Variants in SYTL1 observed in about 807,000 individuals in gnomAD.
SYTL1 encodes the protein synaptotagmin like 1.
Under a neutral mutation model 74.6 loss-of-function variants are expected in SYTL1, and 53 were observed. The observed-to-expected ratio is 0.71, with a 90% CI of 0.57 to 0.89. The LOEUF (loss-of-function observed/expected upper bound fraction) is 0.89, where lower values mean the gene tolerates loss of function less well. SYTL1 is among the 40% of genes least tolerant of loss of function. The pLI is 0.00. For missense variants in SYTL1, 728 were observed against 768.7 expected, an observed-to-expected ratio of 0.95 and a Z score of 0.63; for synonymous variants, 329 against 324.9, an observed-to-expected ratio of 1.01 and a Z score of -0.14.
chr1:27,350,260 C>A lies in SYTL1; in HGVS notation c.908+128C>A, dbSNP rs958750963. 1.3e-6 allele frequency: 2 copies of A among 1,484,914 alleles called. No individual in the cohort carries two copies. The highest frequency in any genetic ancestry group is 1.9e-6 in the Non-Finnish European group (2 of 1,067,706). 92.0% of individuals were successfully genotyped at this position (1,484,914 alleles called of 1,614,324 possible). A position where few individuals can be genotyped will look rare whatever the true frequency, so the allele number is the denominator to read the frequency against. On this transcript the variant is annotated intron_variant, in intron 9 of 14. Coordinates refer to ENST00000616558, the MANE Select transcript of SYTL1 (RefSeq NM_001193308.2). The surrounding 1 kb of genome is among the most constrained non-coding windows in gnomAD (Gnocchi z 6.3). ...CGTTATTGGGAGGCGTGCGATTAAGCGAGACAATCCCTGTAAAGCGCTTAG... is the reference window on the plus strand; with the variant it reads ...CGTTATTGGGAGGCGTGCGATTAAGAGAGACAATCCCTGTAAAGCGCTTAG...
intron 2 of SYTL1, among the ~76,000 whole-genome samples, chr1:27,346,723 T>C (rs989923752): frequency 3.3e-5 from 5 of 151,826 alleles, no homozygotes; most frequent in Admixed American, 2.6e-4. Context: ...ATCATGCCAC[T>C]GCACTCCAGC....
At chr1:27,344,489 C>T (rs2014909235) in intron 1 of SYTL1, among the ~76,000 whole-genome samples, 1 of 151,552 alleles carries the variant, frequency 6.6e-6, no homozygotes, top group Non-Finnish European at 1.5e-5. Context: ...GATCGGCCCA[C>T]CTTGGCCTCC....
chr1:27,344,318 G>C (rs1004256948), intron 1 of SYTL1, among the ~76,000 whole-genome samples: 1 of 152,044 alleles, frequency 6.6e-6, no homozygotes. Flanking sequence ...GGTCAGGCTG[G>C]TCTCAAACTC....
rs776359340 is a variant in SYTL1 at position 27,347,837 on chromosome 1, G to T, written c.370G>T (p.Ala124Ser). 1.2e-6 allele frequency: 2 copies of T among 1,614,036 alleles called. No individual in the cohort carries two copies. Among genetic ancestry groups the T allele is most frequent in the Admixed American group, 3.3e-5 (2 of 60,026 alleles). Residue 124 changes from alanine to serine, a missense_variant, in exon 4 of 15, where the codon GCT (alanine) becomes TCT (serine). By Grantham distance (99) the Ala-to-Ser change is moderately conservative (BLOSUM62 1). Coordinates refer to ENST00000616558, the MANE Select transcript of SYTL1 (RefSeq NM_001193308.2). The surrounding 1 kb of genome is among the most constrained non-coding windows in gnomAD (Gnocchi z 4.9). ...CCAGGCTCCAGGCCACGACAGGGAG[G>T]CTGAGGCTGCTGTGAAAGAGAAGGA... ...GDQAPGHDRE[A>S]EAAVKEKEEG...
Position 27,349,989 on chromosome 1 carries a change from G to A in SYTL1, c.765G>A (p.Met255Ile). The A allele has an allele frequency of 3.8e-6, 6 of 1,571,898 alleles. No individual in the cohort carries two copies. Among genetic ancestry groups the A allele is most frequent in the Non-Finnish European group, 5.1e-6 (6 of 1,168,014 alleles). Reference sequence around the variant, plus strand: ...GTCCGCAGCTGAGCGGCAGCCAGATGAGCCTGTCAGGCGACGCGGAGGCGG... The same window carrying A: ...GTCCGCAGCTGAGCGGCAGCCAGATAAGCCTGTCAGGCGACGCGGAGGCGG... Reference protein sequence around the residue: ...LNSSTLSGSQMSLSGDAEAVQ... With the variant: ...LNSSTLSGSQISLSGDAEAVQ... The change falls in exon 9 of 15, where the codon ATG becomes ATA. Residue 255 changes from methionine (M) to isoleucine (I), a missense_variant. By Grantham distance (10) the Met-to-Ile change is conservative. Coordinates refer to ENST00000616558, the MANE Select transcript of SYTL1 (RefSeq NM_001193308.2).
In SYTL1 at chr1:27,347,477, G is replaced by A; in HGVS notation, c.248G>A (p.Trp83Ter). The change falls in exon 3 of 15, where the codon TGG (tryptophan) becomes TAG (stop). Residue 83 changes from tryptophan to a stop codon, truncating the protein, a stop_gained. Transcript: ENST00000616558. LOFTEE classifies it high-confidence loss of function. This position sits in a 1 kb window ranked among gnomAD's most constrained non-coding sequence, Gnocchi z 4.9. ...CAGCTGAAGATCCTGACAGGGGACTGGTTCCAGGAAGCACGCTCCCAGCGG... is the reference window on the plus strand; with the variant it reads ...CAGCTGAAGATCCTGACAGGGGACTAGTTCCAGGAAGCACGCTCCCAGCGG... Reference protein sequence around the residue: ...PGQLKILTGDWFQEARSQRHH... With the variant: ...PGQLKILTGD The A allele has an allele frequency of 5.0e-6, 8 of 1,614,144 alleles. No homozygotes were observed. Among genetic ancestry groups the A allele is most frequent in the Non-Finnish European group, 5.9e-6 (7 of 1,180,052 alleles).
In SYTL1 at chr1:27,351,160, C is replaced by T. The variant is rs2015253705; in HGVS notation, c.1165-98C>T. 7 of 1,429,822 alleles carry T rather than the reference C, an allele frequency of 4.9e-6. No homozygotes were observed. The highest frequency in any genetic ancestry group is 6.6e-6 in the Non-Finnish European group (7 of 1,053,720). 88.6% of individuals were successfully genotyped at this position (1,429,822 alleles called of 1,614,324 possible). ...TAGGTTCTGCCCCTGCAGGCCCCGC[C>T]GTCTCTTCTAGCCGCACCCCATCCG... is the stretch of plus-strand genomic sequence containing the variant. On this transcript the variant is annotated intron_variant, in intron 11 of 14. Transcript: ENST00000616558. The surrounding 1 kb of genome is among the most constrained non-coding windows in gnomAD (Gnocchi z 5.0).
Position 27,349,678 on chromosome 1 carries a change from G to A in SYTL1, c.660G>A (p.Glu220=). 1 of 1,611,042 alleles carries A rather than the reference G, an allele frequency of 6.2e-7. No homozygotes were observed. Among genetic ancestry groups the A allele is most frequent in the South Asian group, 1.1e-5 (1 of 90,770 alleles). ...CCAAGGCCGCGTCCCAGATCCTGGA[G>A]AATGGGGAGGAGGCCCCGGGGCCCG... is the stretch of plus-strand genomic sequence containing the variant. ...AQTKAASQIL[E]NGEEAPGPDP... is the part of the protein sequence containing the mutation. The change falls in exon 8 of 15, where the codon GAG becomes GAA. Residue 220 remains glutamate (E), a synonymous_variant. Transcript: ENST00000616558.
In SYTL1 at chr1:27,345,546, G is replaced by A. The variant is rs1180090168; in HGVS notation, c.191+21G>A. 3 of 1,515,882 alleles carry A rather than the reference G, an allele frequency of 2.0e-6. No homozygotes were observed. The highest frequency in any genetic ancestry group is 4.1e-5 in the Admixed American group (2 of 48,896). The allele number at this position is 1,515,882 out of a possible 1,614,324, so 93.9% of individuals were successfully genotyped here. The stretch of plus-strand genomic sequence containing the variant: ...GTCAGGTAAGGCAGGGCAGACCCTG[G>A]CCGGGGAGCACCAAGAGGCTTGAGT... On this transcript the variant is annotated intron_variant, in intron 2 of 14. Coordinates refer to ENST00000616558, the MANE Select transcript of SYTL1 (RefSeq NM_001193308.2). This position sits in a 1 kb window ranked among gnomAD's most constrained non-coding sequence, Gnocchi z 6.0.
In SYTL1 at chr1:27,342,424, T is replaced by C. The variant is rs2014810516; in HGVS notation, c.-39+274T>C. 2.6e-6 allele frequency: 2 copies of C among 760,236 alleles called. No individual in the cohort carries two copies. The highest frequency in any genetic ancestry group is 3.8e-5 in the African/African-American group (2 of 52,634). The allele number at this position is 760,236 out of a possible 1,614,324, so 47.1% of individuals were successfully genotyped here. On this transcript the variant is annotated intron_variant, in intron 1 of 14. Coordinates refer to ENST00000616558, the MANE Select transcript of SYTL1 (RefSeq NM_001193308.2). This position sits in a 1 kb window ranked among gnomAD's most constrained non-coding sequence, Gnocchi z 4.7. ...GGGGACTTCAGGGAGGGGGCACTGC[T>C]GAGGACGCTGGGCTGATGCCCATGG...
At chr1:27,352,959 T>C in intron 13 of SYTL1, 1 of 302,390 alleles carries the variant, frequency 3.3e-6, no homozygotes, top group East Asian at 7.9e-5. Flanking sequence ...CTAATTTTTG[T>C]ATTTTTAGTA....
chr1:27,349,459 G>A lies in SYTL1; in HGVS notation c.594G>A (p.Ala198=), dbSNP rs1397241544. The A allele has an allele frequency of 6.9e-7, 1 of 1,453,716 alleles. No individual in the cohort carries two copies. The highest frequency in any genetic ancestry group is 2.5e-5 in the East Asian group (1 of 39,718). 90.1% of individuals were successfully genotyped at this position (1,453,716 alleles called of 1,614,324 possible). A position where few individuals can be genotyped will look rare whatever the true frequency, so the allele number is the denominator to read the frequency against. ...AGGCTGACCCGGAGCTGGAGCCCGC[G>A]TCGGGGGGAGAGCAGGAGCCGCGGC... ...AEEADPELEP[A]SGGEQEPRPQ... is the part of the protein sequence containing the mutation. Residue 198 remains alanine, a synonymous_variant, in exon 7 of 15, where the codon GCG becomes GCA. Coordinates refer to ENST00000616558, the MANE Select transcript of SYTL1 (RefSeq NM_001193308.2).
Position 27,342,316 on chromosome 1 carries a change from C to T in SYTL1, c.-39+166C>T. On this transcript the variant is annotated intron_variant, in intron 1 of 14. Transcript: ENST00000616558. This position sits in a 1 kb window ranked among gnomAD's most constrained non-coding sequence, Gnocchi z 4.7. ...CAGACCCTCCTCTTGACCAATGGGT[C>T]TGTCCCACCGTGTCAAAACAGCAGA... 1.0e-6 allele frequency: 1 copy of T among 985,018 alleles called. No homozygotes were observed. The highest frequency in any genetic ancestry group is 1.1e-4 in the East Asian group (1 of 8,826). The allele number at this position is 985,018 out of a possible 1,614,324, so 61.0% of individuals were successfully genotyped here. A position where few individuals can be genotyped will look rare whatever the true frequency, so the allele number is the denominator to read the frequency against.
In SYTL1 at chr1:27,345,909, T is replaced by C. The variant is rs1199014291; in HGVS notation, c.191+384T>C. 6.6e-6 allele frequency among the ~76,000 whole-genome samples: 1 copy of C among 152,072 alleles called. No individual in the cohort carries two copies. Among genetic ancestry groups the C allele is most frequent in the Non-Finnish European group, 1.5e-5 (1 of 68,000 alleles). ...GATTCTCCTGCCACAGCCTCCCAAA[T>C]AGCTGGGATTATAGGCACATGCCAC... On this transcript the variant is annotated intron_variant, in intron 2 of 14. Transcript: ENST00000616558. This position sits in a 1 kb window ranked among gnomAD's most constrained non-coding sequence, Gnocchi z 6.0.
chr1:27,349,839 C>T (rs1210437540), intron 8 of SYTL1, 74 bp downstream of exon 8: 9 of 1,539,118 alleles, frequency 5.8e-6, no homozygotes, highest in Non-Finnish European at 7.8e-6. Flanking sequence ...GCCTGCCCCT[C>T]CCTCGCCGCG....
Position 27,347,505 on chromosome 1 carries a change from C to A in SYTL1, c.276C>A (p.His92Gln). Residue 92 changes from histidine to glutamine, a missense_variant, in exon 3 of 15, where the codon CAC (histidine) becomes CAA (glutamine). Transcript: ENST00000616558. This position sits in a 1 kb window ranked among gnomAD's most constrained non-coding sequence, Gnocchi z 4.9. The stretch of plus-strand genomic sequence containing the variant: ...TCCAGGAAGCACGCTCCCAGCGGCA[C>A]CACAATGCCCACTTCGGCTCTGACC... ...DWFQEARSQR[H>Q]HNAHFGSDLV... is the part of the protein sequence containing the mutation. 1 of 1,614,120 alleles carries A rather than the reference C, an allele frequency of 6.2e-7. No individual in the cohort carries two copies. Among genetic ancestry groups the A allele is most frequent in the South Asian group, 1.1e-5 (1 of 91,090 alleles).
chr1:27,348,953 G>T lies in SYTL1; in HGVS notation c.460-127G>T. The T allele has an allele frequency of 1.4e-6, 1 of 732,230 alleles. No homozygotes were observed. Among genetic ancestry groups the T allele is most frequent in the Non-Finnish European group, 2.3e-6 (1 of 439,956 alleles). The allele number at this position is 732,230 out of a possible 1,614,324, so 45.4% of individuals were successfully genotyped here. A position where few individuals can be genotyped will look rare whatever the true frequency, so the allele number is the denominator to read the frequency against. Reference sequence around the variant, plus strand: ...CTGCAGCTGGCTGCCAGCCCTGCCCGGAGGGCTGCCCTAAACCTGAAACTG... The same window carrying T: ...CTGCAGCTGGCTGCCAGCCCTGCCCTGAGGGCTGCCCTAAACCTGAAACTG... On this transcript the variant is annotated intron_variant, in intron 5 of 14. Transcript: ENST00000616558. The surrounding 1 kb of genome is among the most constrained non-coding windows in gnomAD (Gnocchi z 4.1).
At chr1:27,349,915 G>C (rs1410882781) in intron 8 of SYTL1, 57 bp from the exon 9 acceptor site, 1 of 1,550,244 alleles carries the variant, frequency 6.5e-7, no homozygotes, top group South Asian at 1.2e-5. Context: ...CGCGCTGCCC[G>C]CGGCCCCGAC....
At position 27,345,150 on chromosome 1, in the gene SYTL1, G is replaced by A; in HGVS notation, c.-38-147G>A. On this transcript the variant is annotated intron_variant, in intron 1 of 14. Transcript: ENST00000616558. The surrounding 1 kb of genome is among the most constrained non-coding windows in gnomAD (Gnocchi z 6.0). The stretch of plus-strand genomic sequence containing the variant: ...GGCTAGTGTATGCATGTGTGCATGA[G>A]TGTCTCTCACCCCACCTTGAGCTCA... 1.9e-6 allele frequency: 1 copy of A among 522,064 alleles called. No individual in the cohort carries two copies. The highest frequency in any genetic ancestry group is 3.4e-6 in the Non-Finnish European group (1 of 295,716). The allele number at this position is 522,064 out of a possible 1,614,324, so 32.3% of individuals were successfully genotyped here.
Sources: gnomAD v4.1 joint callset for allele counts (sites outside exome capture counted in the v4.1 genomes callset) on GRCh38, gnomAD v4.1.1 for gene constraint, Gnocchi (gnomAD v3.1) non-coding constraint, MANE v1.5 for transcripts, NCBI Gene and HGNC (gene_info 2026-07-23, HGNC 2026-07-21) for gene names.